Variants in TSC2 observed in about 807,000 individuals in gnomAD.
The protein encoded by TSC2 is tuberin.
A neutral mutation model predicts 202.2 loss-of-function variants in TSC2; 29 were observed. That is an observed-to-expected ratio of 0.14 (90% CI 0.11 to 0.20). The LOEUF (loss-of-function observed/expected upper bound fraction) is 0.20. Among genes scored for constraint, TSC2 ranks in the 10% least tolerant of loss-of-function variants. The pLI is 1.00. For synonymous variants in TSC2, 1,349 were observed against 1,044.0 expected (o/e 1.29, Z -5.63); for missense variants, 2,429 against 2,420.0 (o/e 1.00, Z -0.08).
chr16:2,071,850 C>A lies in TSC2; in HGVS notation c.2013C>A (p.Gly671=), dbSNP rs566848799. 1.3e-5 allele frequency: 20 copies of A among 1,576,772 alleles called. No individual in the cohort carries two copies. In the South Asian group the frequency reaches 2.3e-4, roughly 18 times the overall value. ...GPLSPPTGPP[G]PAPAGPAVRL... Reference sequence around the variant, plus strand: ...TTTCTCCTCCCACAGGGCCTCCTGGCCCGGCGCCTGCAGGCCCCGCCGTGC... The same window carrying A: ...TTTCTCCTCCCACAGGGCCTCCTGGACCGGCGCCTGCAGGCCCCGCCGTGC... The change falls in exon 19 of 42, where the codon GGC becomes GGA. Residue 671 remains glycine (G), a synonymous_variant. Coordinates refer to ENST00000219476, the MANE Select transcript of TSC2 (RefSeq NM_000548.5).
At chr16:2,087,733 G>T in intron 38 of TSC2, 130 bp from the exon 39 acceptor site, 1 of 1,176,498 alleles carries the variant, frequency 8.5e-7, no homozygotes. Flanking sequence ...CCCGCTGCCA[G>T]AGGGGAAAGT....
At chr16:2,070,049 C>T (rs755605165) in intron 16 of TSC2, among the ~76,000 whole-genome samples, 1 of 152,182 alleles carries the variant, frequency 6.6e-6, no homozygotes, top group Non-Finnish European at 1.5e-5. Flanking sequence ...TCCTGCTGGC[C>T]TCGGCCCCAG....
At chr16:2,083,470 C>G in intron 32 of TSC2, 2 of 733,470 alleles carry the variant, frequency 2.7e-6, no homozygotes, top group Non-Finnish European at 4.6e-6. Context: ...GATTGCCTGC[C>G]CAACCCCCGG....
At chr16:2,070,648 G>A in intron 17 of TSC2, 70 bp downstream of exon 17, 1 of 1,607,788 alleles carries the variant, frequency 6.2e-7, no homozygotes, top group Non-Finnish European at 8.5e-7. Flanking sequence ...GGCAGGTGTG[G>A]TTCCTGGAAG....
At chr16:2,082,143 A>G (rs2090220484) in intron 31 of TSC2, 2 of 590,338 alleles carry the variant, frequency 3.4e-6, no homozygotes, top group Admixed American at 3.0e-5. Flanking sequence ...CCGCCTGCGC[A>G]CTCTGGGCCC....
Position 2,084,847 on chromosome 16 carries a change from G to C in TSC2, c.4494-104G>C, listed in dbSNP as rs2090566118. 3 of 1,600,656 alleles carry C rather than the reference G, an allele frequency of 1.9e-6. No individual in the cohort carries two copies. The Admixed American group carries it at 5.0e-5, about 27-fold the overall frequency. On this transcript the variant is annotated intron_variant, in intron 34 of 41. Transcript: ENST00000219476. ...CTAGGGCTGGCTGGAACCCCTGGGA[G>C]GGCGGTGGAGTGGGAGATGGCCAGG...
chr16:2,086,052 G>GT (rs1333110139), intron 36 of TSC2, 141 bp from the exon 37 acceptor site: 11 of 959,570 alleles, frequency 1.1e-5, no homozygotes, highest in Non-Finnish European at 1.4e-5. Context: ...TCTGGCCTGG[G>GT]TGGCTGCTGG....
intron 25 of TSC2, among the ~76,000 whole-genome samples, chr16:2,077,168 G>C (rs527880442): frequency 2.6e-4 from 39 of 152,332 alleles, no homozygotes; most frequent in African/African-American, 9.4e-4. Context: ...ACTTTCTGGG[G>C]TCTTGGTCTC....
At position 2,085,157 on chromosome 16, in the gene TSC2, C is replaced by A. The variant is rs932991038; in HGVS notation, c.4570-73C>A. 4 of 1,606,198 alleles carry A rather than the reference C, an allele frequency of 2.5e-6. No individual in the cohort carries two copies. In the African/African-American group the frequency reaches 4.0e-5, roughly 16 times the overall value. ...GCCTAAGCTCCCTGTGGCAGCCTGC[C>A]GTGACCGGCCTGGGTGGGGCGGCCT... On this transcript the variant is annotated intron_variant, in intron 35 of 41. Transcript: ENST00000219476.
rs930220797 is a variant in TSC2 at position 2,082,584 on chromosome 16, C to T, written c.3883+80C>T. ...GTGCTGTGCTCGTCGCCTCATCCGC[C>T]CACCCCCATGGTCCGTCTGCCTCCA... On this transcript the variant is annotated intron_variant, in intron 32 of 41. Coordinates refer to ENST00000219476, the MANE Select transcript of TSC2 (RefSeq NM_000548.5). The T allele has an allele frequency of 3.3e-6, 5 of 1,503,260 alleles. No individual in the cohort carries two copies. In the African/African-American group the frequency reaches 6.9e-5, roughly 21 times the overall value. The allele number at this position is 1,503,260 out of a possible 1,614,324, so 93.1% of individuals were successfully genotyped here. A position where few individuals can be genotyped will look rare whatever the true frequency, so the allele number is the denominator to read the frequency against.
In TSC2 at chr16:2,082,524, A is replaced by G; in HGVS notation, c.3883+20A>G. 1 of 1,609,416 alleles carries G rather than the reference A, an allele frequency of 6.2e-7. No homozygotes were observed. The highest frequency in any genetic ancestry group is 8.5e-7 in the Non-Finnish European group (1 of 1,179,856). On this transcript the variant is annotated intron_variant, in intron 32 of 41. Coordinates refer to ENST00000219476, the MANE Select transcript of TSC2 (RefSeq NM_000548.5). ...GGGCAGGTATCGCCTCTCAGAGGGA[A>G]GCGGTTGGCTGCAGAGCGCCACTCT...
At chr16:2,070,310 C>T in intron 16 of TSC2, 146 bp from the exon 17 acceptor site, 2 of 1,382,770 alleles carry the variant, frequency 1.4e-6, no homozygotes, top group Non-Finnish European at 2.0e-6. Context: ...GAGAGAGAGT[C>T]CTGGTGGTCC....
chr16:2,051,591 G>A (rs562162309), intron 3 of TSC2, among the ~76,000 whole-genome samples: 1 of 152,338 alleles, frequency 6.6e-6, no homozygotes, highest in African/African-American at 2.4e-5. Flanking sequence ...TTTTGGGAGT[G>A]CAGGTTGCTG....
At chr16:2,073,031 G>C (rs2088719776) in intron 21 of TSC2, 48 bp downstream of exon 21, 1 of 1,612,138 alleles carries the variant, frequency 6.2e-7, no homozygotes, top group Non-Finnish European at 8.5e-7. Flanking sequence ...CCTGGGATTC[G>C]AGGGCCTGGC....
In TSC2 at chr16:2,080,491, G is replaced by GTT. The variant is rs58192244; in HGVS notation, c.3610+123_3610+124dup. On this transcript the variant is annotated intron_variant, in intron 30 of 41. Coordinates refer to ENST00000219476, the MANE Select transcript of TSC2 (RefSeq NM_000548.5). Reference sequence around the variant, plus strand: ...CTTGGGATATTTGGGGGTAACTTTTGTTTTTTTTTTGAGACAGAGTCTTGC... The same window carrying GTT: ...CTTGGGATATTTGGGGGTAACTTTTGTTTTTTTTTTTTGAGACAGAGTCTTGC... 889 of 1,115,654 alleles carry GTT rather than the reference G, an allele frequency of 8.0e-4. No homozygotes were observed. The African/African-American group carries it at 8.9e-3, about 11-fold the overall frequency. The allele number at this position is 1,115,654 out of a possible 1,614,324, so 69.1% of individuals were successfully genotyped here. A position where few individuals can be genotyped will look rare whatever the true frequency, so the allele number is the denominator to read the frequency against.
chr16:2,072,769 C>T (rs1410550974), intron 20 of TSC2, 80 bp from the exon 21 acceptor site: 1 of 1,607,828 alleles, frequency 6.2e-7, no homozygotes, highest in Non-Finnish European at 8.5e-7. Flanking sequence ...GGCCTGCGTT[C>T]CCAGGGCCTC....
chr16:2,071,621 GCGGGACCTCGCCCA>G lies in TSC2; in HGVS notation c.1946+9_1946+22del, dbSNP rs2151299627. 6.2e-7 allele frequency: 1 copy of G among 1,613,264 alleles called. No individual in the cohort carries two copies. Among genetic ancestry groups the G allele is most frequent in the East Asian group, 2.2e-5 (1 of 44,886 alleles). Reference sequence around the variant, plus strand: ...CTACTGCGTCTGCGACTACATGTACGCGGGACCTCGCCCACGGCCCATGAGGCTCAGGGCGTCAG... The same window carrying G: ...CTACTGCGTCTGCGACTACATGTACGCGGCCCATGAGGCTCAGGGCGTCAG... On this transcript the variant is annotated splice_donor_region_variant and intron_variant, in intron 18 of 41. Transcript: ENST00000219476.
rs1452365550 is a variant in TSC2 at position 2,048,726 on chromosome 16, G to A, written c.111G>A (p.Glu37=). 1 of 1,614,078 alleles carries A rather than the reference G, an allele frequency of 6.2e-7. No individual in the cohort carries two copies. Among genetic ancestry groups the A allele is most frequent in the Non-Finnish European group, 8.5e-7 (1 of 1,180,034 alleles). The change falls in exon 2 of 42, where the codon GAG becomes GAA. Residue 37 remains glutamate (E), a synonymous_variant. Coordinates refer to ENST00000219476, the MANE Select transcript of TSC2 (RefSeq NM_000548.5). ...GGTCTGCAGAGGGTAAACAGACGGA[G>A]TTTATCATCACCGCGGAAATACTGA... The part of the protein sequence containing the change: ...NPRSAEGKQT[E]FIITAEILRE...
rs752730339 is a variant in TSC2 at position 2,054,447 on chromosome 16, G to T, written c.481+7G>T. 1 of 1,614,114 alleles carries T rather than the reference G, an allele frequency of 6.2e-7. No homozygotes were observed. The highest frequency in any genetic ancestry group is 1.1e-5 in the South Asian group (1 of 91,080). On this transcript the variant is annotated splice_region_variant and intron_variant, in intron 5 of 41. Transcript: ENST00000219476. The stretch of plus-strand genomic sequence containing the variant: ...TACTTGGAGGAAGAGCTGGGTGGGT[G>T]CCACCTTGGGTTGGAGGTTTCTCTG...
Sources: gnomAD v4.1 joint callset for allele counts (sites outside exome capture counted in the v4.1 genomes callset) on GRCh38, gnomAD v4.1.1 for gene constraint, MANE v1.5 for transcripts, NCBI Gene and HGNC (gene_info 2026-07-23, HGNC 2026-07-21) for gene names.